The following PSMF1 variants were observed in gnomAD, a reference collection of about 807,000 sequenced individuals.
PSMF1 encodes proteasome inhibitor PI31 subunit.
In PSMF1, 30 loss-of-function variants were observed where a neutral mutation model predicts 29.3. The ratio of observed to expected loss-of-function variants is 1.02; its 90% CI spans 0.77 to 1.39. The LOEUF is 1.39. PSMF1 is among the 40% of genes most tolerant of loss of function. PSMF1 has a pLI of 0.00. For synonymous variants in PSMF1, 134 were observed against 139.7 expected (o/e 0.96, Z 0.29); for missense variants, 344 against 357.5 (o/e 0.96, Z 0.31).
At chr20:1,153,984 C>A (rs2086563871) in intron 4 of PSMF1, among the ~76,000 whole-genome samples, 1 of 152,156 alleles carries the variant, frequency 6.6e-6, no homozygotes, top group South Asian at 2.1e-4. Flanking sequence ...CGCATGCATA[C>A]CCCAGAAACA....
At chr20:1,141,763 A>G (rs2086383545) in intron 4 of PSMF1, among the ~76,000 whole-genome samples, 1 of 152,236 alleles carries the variant, frequency 6.6e-6, no homozygotes, top group South Asian at 2.1e-4. Context: ...AATGATCTAC[A>G]TAGAAAATCC....
rs966062834 is a variant in PSMF1 at position 1,164,521 on chromosome 20, G to A, written c.764+45G>A. 5 of 1,605,726 alleles carry A rather than the reference G, an allele frequency of 3.1e-6. No individual in the cohort carries two copies. The highest frequency in any genetic ancestry group is 1.3e-5 in the African/African-American group (1 of 74,764). The stretch of plus-strand genomic sequence containing the variant: ...TGCTGAGAAGTAGGACCTGATGGCA[G>A]CTTGGTTCAGTGTGGCAGCAATGAA... On this transcript the variant is annotated intron_variant, in intron 6 of 6. Coordinates refer to ENST00000335877, the MANE Select transcript of PSMF1 (RefSeq NM_006814.5). The surrounding 1 kb of genome is among the most constrained non-coding windows in gnomAD (Gnocchi z 4.1).
chr20:1,147,940 A>T (rs755401814), intron 4 of PSMF1, among the ~76,000 whole-genome samples: 34 of 152,160 alleles, frequency 2.2e-4, no homozygotes, highest in Non-Finnish European at 3.7e-4. Context: ...TAATTATCCC[A>T]TCACTGAACA....
upstream of PSMF1, among the ~76,000 whole-genome samples, chr20:1,115,752 TG>T (rs200496274): frequency 4.0e-4 from 60 of 150,908 alleles, no homozygotes; most frequent in Middle Eastern, 3.5e-3. Flanking sequence ...TTTTTTTTTT[TG>T]AGACAGTCTC....
chr20:1,133,552 TG>T (rs2086258045), intron 3 of PSMF1, among the ~76,000 whole-genome samples: 1 of 51,844 alleles, frequency 1.9e-5, no homozygotes, highest in African/African-American at 7.9e-5. Flanking sequence ...AGTCTATATA[TG>T]TGTATATATA....
chr20:1,122,284 C>G (rs796562272), intron 1 of PSMF1, among the ~76,000 whole-genome samples: 2 of 134,250 alleles, frequency 1.5e-5, no homozygotes, highest in African/African-American at 5.6e-5. Flanking sequence ...TTTTCTTTTT[C>G]TTTTTCTTTT....
chr20:1,160,136 T>G (rs540586761), intron 4 of PSMF1, among the ~76,000 whole-genome samples: 1 of 152,218 alleles, frequency 6.6e-6, no homozygotes, highest in Admixed American at 6.5e-5. Flanking sequence ...CAGGAGTGAC[T>G]GTCACTGTTT....
intron 4 of PSMF1, among the ~76,000 whole-genome samples, chr20:1,144,528 G>A (rs772678559): frequency 2.7e-4 from 41 of 152,222 alleles, no homozygotes; most frequent in Non-Finnish European, 8.8e-5. Context: ...ATAATCTGAT[G>A]TGCCTCCTCC....
chr20:1,138,439 C>T (rs1354474971), intron 4 of PSMF1, among the ~76,000 whole-genome samples: 1 of 150,016 alleles, frequency 6.7e-6, no homozygotes, highest in Non-Finnish European at 1.5e-5. Flanking sequence ...ACAGGAATCG[C>T]TTGAACCCGG....
Position 1,118,808 on chromosome 20 carries a change from C to T in PSMF1, c.35C>T (p.Ala12Val). The T allele has an allele frequency of 6.2e-7, 1 of 1,613,190 alleles. No homozygotes were observed. Among genetic ancestry groups the T allele is most frequent in the Non-Finnish European group, 8.5e-7 (1 of 1,179,568 alleles). Reference sequence around the variant, plus strand: ...CTGGAGGTACTGTTCGCATCGGCAGCGCCGGCCATCACCTGCAGGCAGGAC... The same window carrying T: ...CTGGAGGTACTGTTCGCATCGGCAGTGCCGGCCATCACCTGCAGGCAGGAC... The part of the protein sequence containing the change: ...AGLEVLFASA[A>V]PAITCRQDAL... The change falls in exon 1 of 7, where the codon GCG becomes GTG. Residue 12 changes from alanine to valine, a missense_variant. Ala to Val is a moderately conservative substitution (Grantham distance 64). Transcript: ENST00000335877.
intron 2 of PSMF1, among the ~76,000 whole-genome samples, chr20:1,127,131 C>T (rs1324657559): frequency 6.6e-6 from 1 of 152,202 alleles, no homozygotes; most frequent in African/African-American, 2.4e-5. Flanking sequence ...CCGTGTTGCT[C>T]ACCTGCAGAT....
At chr20:1,128,887 GT>G (rs2122482088) in intron 3 of PSMF1, among the ~76,000 whole-genome samples, 1 of 151,270 alleles carries the variant, frequency 6.6e-6, no homozygotes, top group South Asian at 2.1e-4. Flanking sequence ...TTTTTGTTTT[GT>G]TTTTTGAGAC....
intron 1 of PSMF1, among the ~76,000 whole-genome samples, chr20:1,121,142 T>A (rs3835371): frequency 0.79 from 120,288 of 151,424 alleles, 48,151 homozygotes; most frequent in Non-Finnish European, 0.83. Flanking sequence ...TTTTTTTTTT[T>A]AAAAAGGTCC....
intron 4 of PSMF1, among the ~76,000 whole-genome samples, chr20:1,151,405 T>C (rs1275977278): frequency 6.6e-6 from 1 of 152,252 alleles, no homozygotes; most frequent in African/African-American, 2.4e-5. Context: ...CACTACACTT[T>C]TGTAAGCATT....
At position 1,136,091 on chromosome 20, in the gene PSMF1, A is replaced by G. The variant is rs76299638; in HGVS notation, c.551+785A>G. On this transcript the variant is annotated intron_variant, in intron 4 of 6. Coordinates refer to ENST00000335877, the MANE Select transcript of PSMF1 (RefSeq NM_006814.5). The stretch of plus-strand genomic sequence containing the variant: ...GCCTTTAGTTAGCTAAAAATGGGAA[A>G]TCAGTTTAATTATTCCAAGTAATGA... Among the ~76,000 whole-genome samples, 475 of 152,346 alleles carry G rather than the reference A, an allele frequency of 3.1e-3. 3 individuals carry two copies. The highest frequency in any genetic ancestry group is 0.011 in the African/African-American group (449 of 41,588).
intron 4 of PSMF1, among the ~76,000 whole-genome samples, chr20:1,162,851 T>C (rs1237421254): frequency 6.6e-6 from 1 of 152,206 alleles, no homozygotes; most frequent in Non-Finnish European, 1.5e-5. Context: ...CTGAGAAAGT[T>C]GTGAATAAAA....
chr20:1,156,949 A>G (rs2086601593), intron 4 of PSMF1, among the ~76,000 whole-genome samples: 1 of 152,196 alleles, frequency 6.6e-6, no homozygotes, highest in South Asian at 2.1e-4. Context: ...ATCTACATAC[A>G]TATGTATTGG....
chr20:1,131,626 A>G lies in PSMF1; in HGVS notation c.366-3495A>G, dbSNP rs568550457. ...CTTTCAGCCATAGCTTCCTCCATGT[A>G]GCCCTCTTTATTAGGTCATTGTGGC... is the stretch of plus-strand genomic sequence containing the variant. On this transcript the variant is annotated intron_variant, in intron 3 of 6. Transcript: ENST00000335877. Among the ~76,000 whole-genome samples, 4 of 152,306 alleles carry G rather than the reference A, an allele frequency of 2.6e-5. No homozygotes were observed. The East Asian group carries it at 5.8e-4, about 22-fold the overall frequency.
chr20:1,146,770 CT>C (rs765532647), intron 4 of PSMF1, among the ~76,000 whole-genome samples: 44 of 152,314 alleles, frequency 2.9e-4, no homozygotes, highest in Middle Eastern at 3.4e-3. Context: ...CTCTTGAAGC[CT>C]CAGTTTTCTG....
Sources: gnomAD v4.1 joint callset for allele counts (sites outside exome capture counted in the v4.1 genomes callset) on GRCh38, gnomAD v4.1.1 for gene constraint, Gnocchi (gnomAD v3.1) non-coding constraint, MANE v1.5 for transcripts, NCBI Gene and HGNC (gene_info 2026-07-23, HGNC 2026-07-21) for gene names.